The following PTGS1 variants were observed in gnomAD, a reference collection of about 807,000 sequenced individuals.
PTGS1 encodes prostaglandin G/H synthase 1.
Under a neutral mutation model 63.0 loss-of-function variants are expected in PTGS1, and 40 were observed. The ratio of observed to expected loss-of-function variants is 0.63; its 90% CI spans 0.49 to 0.83. The LOEUF (loss-of-function observed/expected upper bound fraction) is 0.83. PTGS1 is among the 40% of genes least tolerant of loss of function. The pLI is 0.00. For synonymous variants in PTGS1, 298 were observed against 301.9 expected (o/e 0.99, Z 0.13); for missense variants, 709 against 786.5 (o/e 0.90, Z 1.18).
chr9:122,378,477 T>C lies in PTGS1; in HGVS notation c.256T>C (p.Ser86Pro), dbSNP rs759721849. 6.2e-7 allele frequency: 1 copy of C among 1,614,190 alleles called. No homozygotes were observed. Among genetic ancestry groups the C allele is most frequent in the Non-Finnish European group, 8.5e-7 (1 of 1,180,032 alleles). The change falls in exon 4 of 11, where the codon TCT (serine) becomes CCT (proline). Residue 86 changes from serine (S) to proline (P), a missense_variant. Physicochemically the swap from Ser to Pro is moderately conservative, Grantham distance 74 (BLOSUM62 -1). Transcript: ENST00000362012. ...CCGGAATTCACTGCGGCCCAGCCCC[T>C]CTTTCACCCACTTCCTGCTCACTCA... Reference protein sequence around the residue: ...WLRNSLRPSPSFTHFLLTHGR... With the variant: ...WLRNSLRPSPPFTHFLLTHGR...
chr9:122,373,650 G>A (rs1328520276), intron 2 of PTGS1, among the ~76,000 whole-genome samples: 1 of 152,218 alleles, frequency 6.6e-6, no homozygotes, highest in Non-Finnish European at 1.5e-5. Context: ...CAGCTGACCC[G>A]GGCACATGGG....
intron 2 of PTGS1, among the ~76,000 whole-genome samples, chr9:122,377,043 C>A (rs1202688959): frequency 6.6e-6 from 1 of 152,186 alleles, no homozygotes; most frequent in African/African-American, 2.4e-5. Flanking sequence ...TCTCCTATTC[C>A]CTTGGTCTGT....
intron 2 of PTGS1, among the ~76,000 whole-genome samples, chr9:122,372,432 T>G (rs2119108147): frequency 6.6e-6 from 1 of 152,280 alleles, no homozygotes; most frequent in South Asian, 2.1e-4. Context: ...GGCCAGCACT[T>G]TAAAGTTTAC....
In PTGS1 at chr9:122,383,550, G is replaced by A. The variant is rs201043631; in HGVS notation, c.804G>A (p.Ala268=). The A allele has an allele frequency of 3.3e-4, 538 of 1,613,714 alleles. No homozygotes were observed. The highest frequency in any genetic ancestry group is 4.3e-4 in the Admixed American group (26 of 59,982). Reference sequence around the variant, plus strand: ...TGTACCCGCCCTCGGTAGAAGAGGCGCCTGTGTTGATGCACTACCCCCGAG... The same window carrying A: ...TGTACCCGCCCTCGGTAGAAGAGGCACCTGTGTTGATGCACTACCCCCGAG... ...GEMYPPSVEE[A]PVLMHYPRGI... Residue 268 remains alanine (A), a synonymous_variant, in exon 8 of 11, where the codon GCG becomes GCA. Transcript: ENST00000362012.
intron 10 of PTGS1, among the ~76,000 whole-genome samples, chr9:122,391,174 A>G (rs890821279): frequency 1.3e-5 from 2 of 150,820 alleles, no homozygotes; most frequent in African/African-American, 4.9e-5. Context: ...ATTCTGATTC[A>G]ACCAGCCTGG....
Position 122,381,692 on chromosome 9 carries a change from A to G in PTGS1, c.707A>G (p.Asn236Ser), listed in dbSNP as rs769346973. The change falls in exon 7 of 11, where the codon AAT becomes AGT. Residue 236 changes from asparagine to serine, a missense_variant. Coordinates refer to ENST00000362012, the MANE Select transcript of PTGS1 (RefSeq NM_000962.4). Reference protein sequence around the residue: ...GVDLGHIYGDNLERQYQLRLF... With the variant: ...GVDLGHIYGDSLERQYQLRLF... ...GACCTCGGCCACATTTATGGAGACAATCTGGAGCGTCAGTATCAACTGCGG... is the reference window on the plus strand; with the variant it reads ...GACCTCGGCCACATTTATGGAGACAGTCTGGAGCGTCAGTATCAACTGCGG... The G allele has an allele frequency of 2.5e-6, 4 of 1,614,194 alleles. No individual in the cohort carries two copies. The highest frequency in any genetic ancestry group is 1.3e-5 in the African/African-American group (1 of 75,058).
At chr9:122,382,523 A>G (rs1316657672) in intron 7 of PTGS1, among the ~76,000 whole-genome samples, 1 of 152,276 alleles carries the variant, frequency 6.6e-6, no homozygotes, top group African/African-American at 2.4e-5. Context: ...AAGGTTTTCC[A>G]ATAGCTGAAG....
At chr9:122,389,351 A>G (rs926883740) in intron 9 of PTGS1, among the ~76,000 whole-genome samples, 2 of 151,962 alleles carry the variant, frequency 1.3e-5, no homozygotes, top group Admixed American at 6.5e-5. Context: ...AGTCTTTGCC[A>G]TGTTGGCCAG....
chr9:122,389,503 C>G (rs926163255), intron 9 of PTGS1, among the ~76,000 whole-genome samples: 2 of 152,200 alleles, frequency 1.3e-5, no homozygotes, highest in African/African-American at 4.8e-5. Flanking sequence ...TAATCAGAAT[C>G]TTTTTCTGCA....
intron 7 of PTGS1, among the ~76,000 whole-genome samples, chr9:122,383,207 C>CTT (rs556984692): frequency 2.0e-4 from 14 of 70,496 alleles, no homozygotes; most frequent in Non-Finnish European, 2.9e-4. Flanking sequence ...TTTTTTTTTT[C>CTT]TTTTTTTTTT....
At position 122,390,204 on chromosome 9, in the gene PTGS1, G is replaced by C. The variant is rs201552344; in HGVS notation, c.1303G>C (p.Gly435Arg). Residue 435 changes from glycine to arginine, a missense_variant, in exon 10 of 11, where the codon GGG (glycine) becomes CGG (arginine). By Grantham distance (125) the Gly-to-Arg change is moderately radical (BLOSUM62 -2). Transcript: ENST00000362012. ...TGTGCTTCTCTCTCGGCAGATCGGT[G>C]GGGGCAGGAACATGGACCACCACAT... is the stretch of plus-strand genomic sequence containing the variant. ...FSRQIAGRIG[G>R]GRNMDHHILH... is the part of the protein sequence containing the mutation. 1.9e-6 allele frequency: 3 copies of C among 1,613,536 alleles called. No individual in the cohort carries two copies. The highest frequency in any genetic ancestry group is 2.5e-6 in the Non-Finnish European group (3 of 1,179,780).
intron 9 of PTGS1, among the ~76,000 whole-genome samples, chr9:122,387,234 A>T (rs1458246639): frequency 6.6e-6 from 1 of 151,914 alleles, no homozygotes; most frequent in Non-Finnish European, 1.5e-5. Context: ...AGGTGGTGTT[A>T]GTGGCAGGGG....
rs1273123057 is a variant in PTGS1, at chr9:122,392,657, T to C, written c.*113T>C. The C allele has an allele frequency of 1.7e-5, 15 of 908,368 alleles. No homozygotes were observed. Among genetic ancestry groups the C allele is most frequent in the Non-Finnish European group, 2.1e-5 (13 of 608,496 alleles). The allele number at this position is 908,368 out of a possible 1,614,324, so 56.3% of individuals were successfully genotyped here. On this transcript the variant is annotated 3_prime_UTR_variant, in exon 11 of 11. Coordinates refer to ENST00000362012, the MANE Select transcript of PTGS1 (RefSeq NM_000962.4). Reference sequence around the variant, plus strand: ...ATTTTCTGGTTTGGCATGGTGAGTGTTGGGGTTGACATTTAGAACTTTAAG... The same window carrying C: ...ATTTTCTGGTTTGGCATGGTGAGTGCTGGGGTTGACATTTAGAACTTTAAG...
At chr9:122,386,771 G>A (rs199765205) in intron 9 of PTGS1, 39 bp downstream of exon 9, 16 of 1,602,914 alleles carry the variant, frequency 1.0e-5, no homozygotes, top group Non-Finnish European at 1.4e-5. Context: ...CAGGTGGGCT[G>A]AGGGATCCAG....
Position 122,371,727 on chromosome 9 carries a change from G to A in PTGS1, c.94+455G>A, listed in dbSNP as rs983622062. On this transcript the variant is annotated intron_variant, in intron 2 of 10. Coordinates refer to ENST00000362012, the MANE Select transcript of PTGS1 (RefSeq NM_000962.4). ...ATTGCCAGTGGAGAAGGTCTCCCCT[G>A]GTGAAGACTTCGGGAGAACATGGGA... 30 of 1,517,522 alleles carry A rather than the reference G, an allele frequency of 2.0e-5. No homozygotes were observed. In the African/African-American group the frequency reaches 3.2e-4, roughly 16 times the overall value. 94.0% of individuals were successfully genotyped at this position (1,517,522 alleles called of 1,614,324 possible).
intron 2 of PTGS1, chr9:122,371,775 G>A (rs1208834542): frequency 2.7e-5 from 41 of 1,533,826 alleles, no homozygotes; most frequent in Non-Finnish European, 3.6e-5. Flanking sequence ...TTTAGGAGCC[G>A]GGATGCTTCA....
At chr9:122,371,678 G>A in intron 2 of PTGS1, 4 of 1,465,756 alleles carry the variant, frequency 2.7e-6, no homozygotes, top group South Asian at 2.8e-5. Context: ...GCCTCTAACC[G>A]TCTGGGAACC....
rs1023161186 is a variant in PTGS1 at position 122,392,743 on chromosome 9, G to T, written c.*199G>T. The stretch of plus-strand genomic sequence containing the variant: ...ATTCTTCCAGAATGCTGAACTCCTT[G>T]TTAGCCCTTCAGATTGTTAGGAGTG... On this transcript the variant is annotated 3_prime_UTR_variant, in exon 11 of 11. Transcript: ENST00000362012. The T allele has an allele frequency of 5.4e-6, 3 of 552,478 alleles. No individual in the cohort carries two copies. The highest frequency in any genetic ancestry group is 3.7e-5 in the African/African-American group (2 of 53,466). 34.2% of individuals were successfully genotyped at this position (552,478 alleles called of 1,614,324 possible). A position where few individuals can be genotyped will look rare whatever the true frequency, so the allele number is the denominator to read the frequency against.
In PTGS1 at chr9:122,383,730, C is replaced by T; in HGVS notation, c.984C>T (p.Phe328=). 6.2e-7 allele frequency: 1 copy of T among 1,612,382 alleles called. No individual in the cohort carries two copies. Among genetic ancestry groups the T allele is most frequent in the African/African-American group, 1.3e-5 (1 of 75,008 alleles). ...EHPTWGDEQL[F]QTTRLILIGE... ...CCACCTGGGGCGATGAGCAGCTTTT[C>T]CAGACGACCCGCCTCATCCTCATAG... The change falls in exon 8 of 11, where the codon TTC becomes TTT. Residue 328 remains phenylalanine, a synonymous_variant. Transcript: ENST00000362012.
Sources: gnomAD v4.1 joint callset for allele counts (sites outside exome capture counted in the v4.1 genomes callset) on GRCh38, gnomAD v4.1.1 for gene constraint, MANE v1.5 for transcripts, NCBI Gene and HGNC (gene_info 2026-07-23, HGNC 2026-07-21) for gene names.